The following DUS4L variants were observed in gnomAD, a reference collection of about 807,000 sequenced individuals.
DUS4L encodes tRNA-dihydrouridine(20a/20b) synthase [NAD(P)+]-like.
In DUS4L, 31 loss-of-function variants were observed where a neutral mutation model predicts 33.8. The ratio of observed to expected loss-of-function variants is 0.92; its 90% CI spans 0.69 to 1.24. The LOEUF (loss-of-function observed/expected upper bound fraction) is 1.24, where lower values mean the gene tolerates loss of function less well. Ranked by LOEUF, DUS4L falls within the 50% of genes most tolerant of loss-of-function variation. The probability of loss-of-function intolerance (pLI) is 0.00; values close to 1 mark genes in which losing one functional copy is unlikely to be tolerated. For missense variants in DUS4L, 368 were observed against 388.6 expected (o/e 0.95, Z 0.45); for synonymous variants, 103 against 120.3 (o/e 0.86, Z 0.94).
At position 107,573,682 on chromosome 7, in the gene DUS4L, G is replaced by T. The variant is rs1400597599; in HGVS notation, c.239-22G>T. ...GGGGTTTTTTCCTGTGAATTTTAAT[G>T]TTGAGCTATTCATTTTGTCAGGTGA... On this transcript the variant is annotated intron_variant, in intron 4 of 7. Transcript: ENST00000265720. 6 of 1,599,814 alleles carry T rather than the reference G, an allele frequency of 3.8e-6. No homozygotes were observed. In the East Asian group the frequency reaches 1.4e-4, roughly 36 times the overall value.
At position 107,564,134 on chromosome 7, in the gene DUS4L, G is replaced by A. The variant is rs778346804; in HGVS notation, c.-186G>A. 2.1e-4 allele frequency: 180 copies of A among 875,762 alleles called. 1 individual carries two copies. In the Middle Eastern group the frequency reaches 3.1e-3, roughly 15 times the overall value. The allele number at this position is 875,762 out of a possible 1,614,324, so 54.2% of individuals were successfully genotyped here. On this transcript the variant is annotated 5_prime_UTR_variant, in exon 1 of 8. Transcript: ENST00000265720. ...CCGAGGGAGCCAAGGCCGTCGGGCC[G>A]GCGCTTTCAGCTGTCTCTCGCAGCA...
At chr7:107,565,167 G>C (rs78602570) in intron 2 of DUS4L, among the ~76,000 whole-genome samples, 1,805 of 152,298 alleles carry the variant, frequency 0.012, 31 homozygotes, top group African/African-American at 0.041. Context: ...GAAGATTTTA[G>C]AAGAGTGAGT....
chr7:107,576,573 G>C lies in DUS4L; in HGVS notation c.687G>C (p.Trp229Cys). The change falls in exon 7 of 8, where the codon TGG becomes TGC. Residue 229 changes from tryptophan (W) to cysteine (C), a missense_variant. Trp to Cys is a radical substitution (Grantham distance 215). Transcript: ENST00000265720. ...IRSLKEAENV[W>C]RITGTDGVMV... ...GCTTAAAGGAAGCAGAAAATGTGTG[G>C]CGGATTACTGGGACAGATGGTAAGA... The C allele has an allele frequency of 6.3e-7, 1 of 1,590,492 alleles. No homozygotes were observed.
intron 4 of DUS4L, among the ~76,000 whole-genome samples, chr7:107,572,604 C>T (rs1210233556): frequency 6.6e-6 from 1 of 152,168 alleles, no homozygotes; most frequent in Non-Finnish European, 1.5e-5. Flanking sequence ...AATCTTAGCG[C>T]TTTGGGAGGC....
At chr7:107,576,670 CA>C (rs1451343593) in intron 7 of DUS4L, 78 bp downstream of exon 7, 3 of 1,343,306 alleles carry the variant, frequency 2.2e-6, no homozygotes, top group Non-Finnish European at 3.0e-6. Context: ...ATTTGATTTT[CA>C]TTTGTTTTGT....
At chr7:107,576,212 C>G (rs1250001700) in intron 6 of DUS4L, among the ~76,000 whole-genome samples, 154 bp from the exon 7 acceptor site, 8 of 152,158 alleles carry the variant, frequency 5.3e-5, no homozygotes, top group Non-Finnish European at 1.0e-4. Flanking sequence ...GTAGGAACTG[C>G]TCCCTGAAGA....
intron 2 of DUS4L, among the ~76,000 whole-genome samples, chr7:107,565,801 A>AG (rs1804616866): frequency 6.6e-6 from 1 of 152,190 alleles, no homozygotes; most frequent in Non-Finnish European, 1.5e-5. Context: ...CTGAGTTTAC[A>AG]GGTGTGAGCC....
At chr7:107,565,417 C>G (rs1205880099) in intron 2 of DUS4L, among the ~76,000 whole-genome samples, 1 of 152,216 alleles carries the variant, frequency 6.6e-6, no homozygotes, top group East Asian at 1.9e-4. Context: ...ATGCCTGCAT[C>G]CTGAGCCCAG....
Position 107,577,543 on chromosome 7 carries a change from G to T in DUS4L, c.937G>T (p.Asp313Tyr). 1 of 1,613,532 alleles carries T rather than the reference G, an allele frequency of 6.2e-7. No individual in the cohort carries two copies. Among genetic ancestry groups the T allele is most frequent in the South Asian group, 1.1e-5 (1 of 91,012 alleles). The change falls in exon 8 of 8, where the codon GAC becomes TAC. Residue 313 changes from aspartate to tyrosine, a missense_variant. Asp to Tyr is a radical substitution (Grantham distance 160). Transcript: ENST00000265720. ...STSAIIDYLTDHYGI is the reference protein window; with the variant it reads ...STSAIIDYLTYHYGI ...ATCAGCAATCATAGATTACCTTACA[G>T]ACCATTATGGCATTTGACTAGACTT...
In DUS4L at chr7:107,566,808, C is replaced by T. The variant is rs115583220; in HGVS notation, c.-21-242C>T. Reference sequence around the variant, plus strand: ...TAAACTAGGGAAAAAAAAAAAATCTCGTTTTCTGCATCTTGTGTTTCCACA... The same window carrying T: ...TAAACTAGGGAAAAAAAAAAAATCTTGTTTTCTGCATCTTGTGTTTCCACA... On this transcript the variant is annotated intron_variant, in intron 2 of 7. Transcript: ENST00000265720. Among the ~76,000 whole-genome samples the T allele has an allele frequency of 3.0e-3, 461 of 151,942 alleles. 3 individuals carry two copies. Among genetic ancestry groups the T allele is most frequent in the African/African-American group, 0.011 (448 of 41,498 alleles).
At position 107,578,134 on chromosome 7, in the gene DUS4L, T is replaced by G. The variant is rs950058170; in HGVS notation, c.*574T>G. ...GGTCCTCCAAAGATTGAAAGCTTAATAATCTCCTACCTAAAAAGATAAAAT... is the reference window on the plus strand; with the variant it reads ...GGTCCTCCAAAGATTGAAAGCTTAAGAATCTCCTACCTAAAAAGATAAAAT... On this transcript the variant is annotated 3_prime_UTR_variant, in exon 8 of 8. Transcript: ENST00000265720. The G allele has an allele frequency of 1.3e-5, 2 of 152,228 alleles. No individual in the cohort carries two copies. Among genetic ancestry groups the G allele is most frequent in the African/African-American group, 4.8e-5 (2 of 41,460 alleles). 9.4% of individuals were successfully genotyped at this position (152,228 alleles called of 1,614,324 possible).
At chr7:107,575,508 T>G (rs961176432) in intron 6 of DUS4L, 198 bp downstream of exon 6, 7 of 467,424 alleles carry the variant, frequency 1.5e-5, no homozygotes, top group African/African-American at 2.1e-5. Flanking sequence ...ACTTCCTCTT[T>G]GTACTTTTAA....
At chr7:107,564,243 G>A in intron 1 of DUS4L, 34 bp downstream of exon 1, 1 of 574,158 alleles carries the variant, frequency 1.7e-6, no homozygotes, top group Non-Finnish European at 3.1e-6. Context: ...GCGCTTATCT[G>A]TGAAGCAAGT....
At chr7:107,569,777 G>T (rs1399536342) in intron 3 of DUS4L, among the ~76,000 whole-genome samples, 1 of 152,206 alleles carries the variant, frequency 6.6e-6, no homozygotes, top group Non-Finnish European at 1.5e-5. Context: ...CTGAAAACTT[G>T]CTAAACTCAC....
rs1033953961 is a variant in DUS4L, at chr7:107,573,752, T to C, written c.287T>C (p.Leu96Ser). The C allele has an allele frequency of 1.2e-6, 2 of 1,611,676 alleles. No individual in the cohort carries two copies. Among genetic ancestry groups the C allele is most frequent in the Non-Finnish European group, 1.7e-6 (2 of 1,179,016 alleles). The change falls in exon 5 of 8, where the codon TTA (leucine) becomes TCA (serine). Residue 96 changes from leucine (L) to serine (S), a missense_variant. Physicochemically the swap from Leu to Ser is moderately radical, Grantham distance 145. Coordinates refer to ENST00000265720, the MANE Select transcript of DUS4L (RefSeq NM_181581.3). ...VQFAANDARL[L>S]SDAARIVCPY... ...TTTGCTGCTAACGATGCAAGACTTTTATCTGATGCTGCTCGTATAGTCTGT... is the reference window on the plus strand; with the variant it reads ...TTTGCTGCTAACGATGCAAGACTTTCATCTGATGCTGCTCGTATAGTCTGT...
rs1026487738 is a variant in DUS4L at position 107,564,030 on chromosome 7, C to T, written c.-290C>T. ...TGGCGAACTGACTCTCAGCCCGCGC[C>T]TGGGCTAAGCCTGGCTAGGAGCCGC... is the stretch of plus-strand genomic sequence containing the variant. On this transcript the variant is annotated 5_prime_UTR_variant, in exon 1 of 8. Transcript: ENST00000265720. The T allele has an allele frequency of 6.5e-7, 1 of 1,535,936 alleles. No homozygotes were observed.
rs368133329 is a variant in DUS4L, at chr7:107,576,318, T to A, written c.480-48T>A. 491 of 1,542,650 alleles carry A rather than the reference T, an allele frequency of 3.2e-4. 1 individual carries two copies. Among genetic ancestry groups the A allele is most frequent in the Non-Finnish European group, 4.0e-4 (455 of 1,134,386 alleles). On this transcript the variant is annotated intron_variant, in intron 6 of 7. Transcript: ENST00000265720. ...CCATTTTAGTCAGTTAATGTTAGCA[T>A]TAAGATTTGTGTGCTGTGAACAGAT...
At chr7:107,573,624 G>C (rs2129195359) in intron 4 of DUS4L, 80 bp from the exon 5 acceptor site, 3 of 1,394,182 alleles carry the variant, frequency 2.2e-6, no homozygotes, top group Non-Finnish European at 2.9e-6. Flanking sequence ...ATTTTATCCT[G>C]TACAAACATT....
intron 7 of DUS4L, chr7:107,576,935 T>A: frequency 3.4e-6 from 1 of 290,304 alleles, no homozygotes; most frequent in South Asian, 6.3e-5. Context: ...AGAACTGCTA[T>A]GCAGTTTCAT....
Sources: gnomAD v4.1 joint callset for allele counts (sites outside exome capture counted in the v4.1 genomes callset) on GRCh38, gnomAD v4.1.1 for gene constraint, MANE v1.5 for transcripts, NCBI Gene and HGNC (gene_info 2026-07-23, HGNC 2026-07-21) for gene names.